WDR93: variants seen among roughly 807,000 people sequenced by gnomAD.
WDR93 encodes the protein WD repeat-containing protein 93.
A neutral mutation model predicts 82.9 loss-of-function variants in WDR93; 73 were observed. That is an observed-to-expected ratio of 0.88 (90% CI 0.73 to 1.07). The LOEUF is 1.07. Ranked by LOEUF, WDR93 falls within the 50% of genes least tolerant of loss-of-function variation. The probability of loss-of-function intolerance (pLI) is 0.00; values close to 1 mark genes in which losing one functional copy is unlikely to be tolerated. For missense variants in WDR93, 738 were observed against 826.0 expected, an observed-to-expected ratio of 0.89 and a Z score of 1.31; for synonymous variants, 283 against 300.1, an observed-to-expected ratio of 0.94 and a Z score of 0.59.
chr15:89,732,885 T>C (rs369415455), intron 12 of WDR93, 121 bp from the exon 13 acceptor site: 3 of 850,080 alleles, frequency 3.5e-6, no homozygotes, highest in African/African-American at 3.4e-5. Flanking sequence ...AGGGTGCTCA[T>C]TGCTTGATTT....
chr15:89,702,796 C>A (rs1965533464), intron 2 of WDR93, among the ~76,000 whole-genome samples, 154 bp from the exon 3 acceptor site: 1 of 152,182 alleles, frequency 6.6e-6, no homozygotes, highest in African/African-American at 2.4e-5. Flanking sequence ...ACCTCGGCCT[C>A]CCAAAGTGCT....
intron 9 of WDR93, 115 bp from the exon 10 acceptor site, chr15:89,728,908 C>A: frequency 1.1e-6 from 1 of 895,866 alleles, no homozygotes; most frequent in Non-Finnish European, 1.9e-6. Context: ...GGCCTTCTTA[C>A]CCCTGGGAAG....
At chr15:89,692,733 C>G (rs906501488) in intron 1 of WDR93, among the ~76,000 whole-genome samples, 3 of 152,178 alleles carry the variant, frequency 2.0e-5, no homozygotes, top group Non-Finnish European at 4.4e-5. Flanking sequence ...CTTCAGCCTC[C>G]TGAGCTGGGA....
At chr15:89,696,531 G>C (rs1965185961) in intron 1 of WDR93, among the ~76,000 whole-genome samples, 1 of 152,028 alleles carries the variant, frequency 6.6e-6, no homozygotes, top group Non-Finnish European at 1.5e-5. Flanking sequence ...GCCTCACTCT[G>C]TCACGTAGGC....
rs1462921243 is a variant in WDR93, at chr15:89,715,016, C to A, written c.677C>A (p.Pro226His). 1 of 1,613,876 alleles carries A rather than the reference C, an allele frequency of 6.2e-7. No individual in the cohort carries two copies. The highest frequency in any genetic ancestry group is 8.5e-7 in the Non-Finnish European group (1 of 1,179,974). Residue 226 changes from proline (P) to histidine (H), a missense_variant, in exon 6 of 17, where the codon CCC becomes CAC. Physicochemically the swap from Pro to His is moderately conservative, Grantham distance 77. Coordinates refer to ENST00000268130, the MANE Select transcript of WDR93 (RefSeq NM_020212.2). Reference sequence around the variant, plus strand: ...ATTTGGCTGGATGTGTATAAATTGCCCAAGGAGACTTGGCTCAAGAAACTA... The same window carrying A: ...ATTTGGCTGGATGTGTATAAATTGCACAAGGAGACTTGGCTCAAGAAACTA... Reference protein sequence around the residue: ...GDIWLDVYKLPKETWLKKLEH... With the variant: ...GDIWLDVYKLHKETWLKKLEH...
chr15:89,728,550 A>C (rs1037271960), intron 9 of WDR93, among the ~76,000 whole-genome samples: 1 of 152,204 alleles, frequency 6.6e-6, no homozygotes, highest in South Asian at 2.1e-4. Flanking sequence ...TTTGCAAGCC[A>C]GTTGTTAAAC....
chr15:89,717,466 A>T (rs1397480831), intron 7 of WDR93, among the ~76,000 whole-genome samples: 2 of 152,190 alleles, frequency 1.3e-5, no homozygotes, highest in Non-Finnish European at 2.9e-5. Context: ...CTTGTGCCTC[A>T]TATCCATTGA....
chr15:89,724,975 C>A (rs946696681), intron 8 of WDR93, among the ~76,000 whole-genome samples: 17 of 152,062 alleles, frequency 1.1e-4, no homozygotes, highest in Admixed American at 6.6e-5. Context: ...ATAGGGTGAC[C>A]AACCATACCA....
At chr15:89,731,681 C>T (rs1966860523) in intron 12 of WDR93, 119 bp downstream of exon 12, 1 of 1,359,764 alleles carries the variant, frequency 7.4e-7, no homozygotes, top group South Asian at 1.3e-5. Context: ...TTAAAGTCAC[C>T]TTGGGGAACT....
chr15:89,704,332 A>G (rs1271691344), intron 3 of WDR93: 1 of 152,252 alleles, frequency 6.6e-6, no homozygotes, highest in African/African-American at 2.4e-5. Flanking sequence ...CATCTCAAAA[A>G]AAAAGAAAAG....
At chr15:89,741,394 A>G (rs1478988275) in intron 16 of WDR93, among the ~76,000 whole-genome samples, 1 of 151,936 alleles carries the variant, frequency 6.6e-6, no homozygotes, top group Admixed American at 6.6e-5. Context: ...CACCCAGCTA[A>G]TTTTTTTATT....
At chr15:89,705,694 T>A in intron 4 of WDR93, 76 bp downstream of exon 4, 1 of 967,958 alleles carries the variant, frequency 1.0e-6, no homozygotes, top group Non-Finnish European at 1.7e-6. Flanking sequence ...ATGGAAGCAA[T>A]GATAGCTGGC....
chr15:89,709,471 G>A (rs1433606234), intron 4 of WDR93, among the ~76,000 whole-genome samples: 2 of 151,588 alleles, frequency 1.3e-5, no homozygotes, highest in Non-Finnish European at 2.9e-5. Context: ...GTAAAAACAA[G>A]CCAAAGACTG....
At position 89,732,959 on chromosome 15, in the gene WDR93, C is replaced by CT. The variant is rs749213745; in HGVS notation, c.1331-46dup. The CT allele has an allele frequency of 1.8e-5, 29 of 1,589,296 alleles. No homozygotes were observed. The South Asian group carries it at 2.9e-4, about 16-fold the overall frequency. On this transcript the variant is annotated intron_variant, in intron 12 of 16. Coordinates refer to ENST00000268130, the MANE Select transcript of WDR93 (RefSeq NM_020212.2). ...TCACAGCCCCTGTGCCCATGGCCTC[C>CT]TCCCCTACCCCGTTTTCTGACCGGC...
chr15:89,728,951 C>T, intron 9 of WDR93, 72 bp from the exon 10 acceptor site: 8 of 1,380,042 alleles, frequency 5.8e-6, no homozygotes, highest in Non-Finnish European at 8.3e-6. Context: ...GGTTTTAGGA[C>T]CAAGACTCTG....
chr15:89,735,472 A>G lies in WDR93; in HGVS notation c.1545-18A>G, dbSNP rs1967090739. On this transcript the variant is annotated intron_variant, in intron 13 of 16. Coordinates refer to ENST00000268130, the MANE Select transcript of WDR93 (RefSeq NM_020212.2). ...ACTCTTAAAGTAGGAGAATGTCTGT[A>G]TATTTTCTGTCCTATAGGCCTGTAA... The G allele has an allele frequency of 6.2e-7, 1 of 1,613,498 alleles. No homozygotes were observed. Among genetic ancestry groups the G allele is most frequent in the Non-Finnish European group, 8.5e-7 (1 of 1,179,468 alleles).
At chr15:89,691,715 G>C (rs1964894680) in intron 1 of WDR93, among the ~76,000 whole-genome samples, 1 of 126,790 alleles carries the variant, frequency 7.9e-6, no homozygotes, top group Non-Finnish European at 1.7e-5. Context: ...GCGAGACGCT[G>C]TCTCAAAAAA....
chr15:89,715,118 G>A, intron 6 of WDR93, 23 bp downstream of exon 6: 1 of 1,604,066 alleles, frequency 6.2e-7, no homozygotes, highest in Non-Finnish European at 8.5e-7. Flanking sequence ...TCTGCTTTCA[G>A]CTGATATGTT....
chr15:89,729,671 C>G lies in WDR93; in HGVS notation c.1124-12C>G. ...ACACCCATTTTCTGTCTTTCCCCCG[C>G]CCCCCCACCAGGAATGGCCTGTGTC... On this transcript the variant is annotated splice_polypyrimidine_tract_variant and intron_variant, in intron 10 of 16. Coordinates refer to ENST00000268130, the MANE Select transcript of WDR93 (RefSeq NM_020212.2). 1 of 1,605,150 alleles carries G rather than the reference C, an allele frequency of 6.2e-7. No individual in the cohort carries two copies. The highest frequency in any genetic ancestry group is 8.5e-7 in the Non-Finnish European group (1 of 1,174,248).
Sources: gnomAD v4.1 joint callset for allele counts (sites outside exome capture counted in the v4.1 genomes callset) on GRCh38, gnomAD v4.1.1 for gene constraint, MANE v1.5 for transcripts, NCBI Gene and HGNC (gene_info 2026-07-23, HGNC 2026-07-21) for gene names.